The following CSMD1 variants were observed in gnomAD, a reference collection of about 807,000 sequenced individuals.
The protein encoded by CSMD1 is CUB and Sushi multiple domains 1, also known as CUB and sushi domain-containing protein 1.
Under a neutral mutation model 417.5 loss-of-function variants are expected in CSMD1, and 213 were observed. That is an observed-to-expected ratio of 0.51 (90% confidence interval 0.46 to 0.57). The LOEUF is 0.57. CSMD1 is among the 20% of genes least tolerant of loss of function. The pLI is 0.00. For missense variants in CSMD1, 6,923 were observed against 4,529.7 expected (o/e 1.53, Z -15.17); for synonymous variants, 2,862 against 1,736.8 (o/e 1.65, Z -16.11).
intron 1 of CSMD1, among the ~76,000 whole-genome samples, chr8:4,706,941 T>A (rs1279855317): frequency 1.3e-5 from 2 of 152,202 alleles, no homozygotes; most frequent in African/African-American, 4.8e-5. Context: ...AATTTGCTCA[T>A]CTGAAGCTTG....
chr8:3,087,193 T>G lies in CSMD1; in HGVS notation c.7378A>C (p.Lys2460Gln). 1 of 1,613,990 alleles carries G rather than the reference T, an allele frequency of 6.2e-7. No individual in the cohort carries two copies. Among genetic ancestry groups the G allele is most frequent in the Non-Finnish European group, 8.5e-7 (1 of 1,179,892 alleles). The change falls in exon 49 of 70, where the codon AAG (lysine) becomes CAG (glutamine). Residue 2460 changes from lysine (K) to glutamine (Q), a missense_variant. Lys to Gln is a moderately conservative substitution (Grantham distance 53). Coordinates refer to ENST00000635120, the MANE Select transcript of CSMD1 (RefSeq NM_033225.6). ...AVGSKVHYFCKPGYRMVGHSN... is the reference protein window; with the variant it reads ...AVGSKVHYFCQPGYRMVGHSN... ...TGGCCGACCATTCGGTATCCAGGCTTGCAAAAATAATGCACTTTGCTTCCA... is the reference window on the plus strand; with the variant it reads ...TGGCCGACCATTCGGTATCCAGGCTGGCAAAAATAATGCACTTTGCTTCCA...
intron 3 of CSMD1, among the ~76,000 whole-genome samples, chr8:4,358,083 T>C (rs7014959): frequency 0.091 from 13,813 of 152,248 alleles, 1,539 homozygotes; most frequent in African/African-American, 0.26. Context: ...TATGTATATA[T>C]GTATACATAC....
chr8:3,919,026 G>T (rs1013239916), intron 5 of CSMD1, among the ~76,000 whole-genome samples: 4 of 151,750 alleles, frequency 2.6e-5, no homozygotes, highest in African/African-American at 9.7e-5. Flanking sequence ...AACACCTATG[G>T]AAATATTTTT....
intron 5 of CSMD1, among the ~76,000 whole-genome samples, chr8:3,766,998 G>A (rs1056690961): frequency 2.0e-5 from 3 of 152,212 alleles, no homozygotes; most frequent in African/African-American, 7.2e-5. Flanking sequence ...AAGACCAGCA[G>A]CCCTCAACAT....
At chr8:3,975,450 G>C (rs1395061543) in intron 5 of CSMD1, among the ~76,000 whole-genome samples, 2 of 151,996 alleles carry the variant, frequency 1.3e-5, no homozygotes, top group Admixed American at 6.6e-5. Flanking sequence ...AATTCAATTA[G>C]AAAATGCACT....
At chr8:4,192,627 G>C (rs755748106) in intron 3 of CSMD1, among the ~76,000 whole-genome samples, 6 of 152,180 alleles carry the variant, frequency 3.9e-5, no homozygotes, top group Admixed American at 1.3e-4. Context: ...CCACAGCAGA[G>C]GGCATATTTG....
intron 26 of CSMD1, among the ~76,000 whole-genome samples, chr8:3,252,762 G>T (rs1278930055): frequency 1.3e-5 from 2 of 152,178 alleles, no homozygotes; most frequent in East Asian, 3.9e-4. Flanking sequence ...TCTCTTCAGA[G>T]ATTCAACTTC....
chr8:3,051,255 T>C (rs891951489), intron 50 of CSMD1, among the ~76,000 whole-genome samples: 2 of 152,220 alleles, frequency 1.3e-5, no homozygotes, highest in Non-Finnish European at 2.9e-5. Context: ...CATCATGGAA[T>C]ACTATGCAGC....
intron 33 of CSMD1, among the ~76,000 whole-genome samples, chr8:3,197,623 G>C (rs6558732): frequency 0.21 from 31,200 of 151,064 alleles, 3,071 homozygotes; most frequent in South Asian, 0.3. Flanking sequence ...CCGCCACCAC[G>C]CCCGGCTAAT....
At chr8:3,909,180 C>T (rs1268566497) in intron 5 of CSMD1, among the ~76,000 whole-genome samples, 1 of 152,144 alleles carries the variant, frequency 6.6e-6, no homozygotes, top group Non-Finnish European at 1.5e-5. Flanking sequence ...CAGGCTGTAG[C>T]TAAGATTTGT....
intron 1 of CSMD1, among the ~76,000 whole-genome samples, chr8:4,651,638 C>G (rs142973131): frequency 7.3e-4 from 111 of 152,294 alleles, no homozygotes; most frequent in African/African-American, 2.6e-3. Context: ...GATCCTTACA[C>G]ATCTTCTGGG....
In CSMD1 at chr8:3,765,741, G is replaced by A. The variant is rs186255336; in HGVS notation, c.819-11699C>T. 9.4e-3 allele frequency among the ~76,000 whole-genome samples: 1,430 copies of A among 152,300 alleles called. 14 individuals carry two copies. Among genetic ancestry groups the A allele is most frequent in the Admixed American group, 0.017 (256 of 15,302 alleles). On this transcript the variant is annotated intron_variant, in intron 5 of 69. Transcript: ENST00000635120. ...AGCCTTGCAGGTGGGGGCGCCCAGG[G>A]GGTGAGATCTGGCATCCTCCTTTTG...
intron 5 of CSMD1, among the ~76,000 whole-genome samples, chr8:3,991,766 A>G (rs1814769000): frequency 6.6e-6 from 1 of 152,150 alleles, no homozygotes; most frequent in African/African-American, 2.4e-5. Context: ...ACTTTTTTAA[A>G]AGGAGGAGGA....
chr8:4,090,622 T>G (rs542502558), intron 3 of CSMD1, among the ~76,000 whole-genome samples: 1 of 152,332 alleles, frequency 6.6e-6, no homozygotes, highest in East Asian at 1.9e-4. Context: ...TTCTCAGAAT[T>G]GTAAAAGAAC....
At chr8:3,066,568 G>C (rs1323054655) in intron 49 of CSMD1, among the ~76,000 whole-genome samples, 1 of 152,174 alleles carries the variant, frequency 6.6e-6, no homozygotes, top group African/African-American at 2.4e-5. Context: ...GTGATATTTT[G>C]TCTTAATTTC....
intron 3 of CSMD1, among the ~76,000 whole-genome samples, chr8:4,346,555 C>A (rs1800788861): frequency 6.6e-6 from 1 of 152,072 alleles, no homozygotes; most frequent in Non-Finnish European, 1.5e-5. Context: ...AGTCTTTGGG[C>A]TTGAGCGTGC....
chr8:4,724,781 C>G (rs962161156), intron 1 of CSMD1, among the ~76,000 whole-genome samples: 1 of 152,012 alleles, frequency 6.6e-6, no homozygotes, highest in Non-Finnish European at 1.5e-5. Context: ...AGATATACAG[C>G]ATAGCCTTGT....
At chr8:4,088,651 T>C (rs10091196) in intron 3 of CSMD1, among the ~76,000 whole-genome samples, 1,932 of 152,248 alleles carry the variant, frequency 0.013, 48 homozygotes, top group African/African-American at 0.041. Context: ...CCCAAAGTCA[T>C]TGTCTTCATG....
chr8:3,509,974 T>C (rs1043631959), intron 10 of CSMD1, among the ~76,000 whole-genome samples: 3 of 152,196 alleles, frequency 2.0e-5, no homozygotes, highest in African/African-American at 7.2e-5. Context: ...TTGGTAAGTG[T>C]GTCAAAAAAT....
Sources: allele counts gnomAD v4.1 joint callset (sites outside exome capture counted in the v4.1 genomes callset), GRCh38; gene constraint gnomAD v4.1.1; transcripts MANE v1.5; gene names NCBI Gene and HGNC (gene_info 2026-07-23, HGNC 2026-07-21).